CTNNA2: variants seen among roughly 807,000 people sequenced by gnomAD.
The protein encoded by CTNNA2 is catenin alpha-2.
In CTNNA2, 42 loss-of-function variants were observed where a neutral mutation model predicts 101.0. The observed-to-expected ratio is 0.42, with a 90% CI of 0.32 to 0.54. The LOEUF (loss-of-function observed/expected upper bound fraction) is 0.54. Ranked by LOEUF, CTNNA2 falls within the 20% of genes least tolerant of loss-of-function variation. The pLI is 0.14. For synonymous variants in CTNNA2, 450 were observed against 456.4 expected (o/e 0.99, Z 0.18); for missense variants, 871 against 1,223.1 (o/e 0.71, Z 4.29).
intron 7 of CTNNA2, among the ~76,000 whole-genome samples, chr2:80,013,873 C>G (rs115424995): frequency 0.01 from 1,578 of 152,308 alleles, 9 homozygotes; most frequent in Non-Finnish European, 0.014. Flanking sequence ...CTGGCTCCTC[C>G]TCCAGTAGCA....
intron 4 of CTNNA2, 67 bp from the exon 5 acceptor site, chr2:79,869,749 T>A: frequency 6.4e-7 from 1 of 1,557,826 alleles, no homozygotes; most frequent in African/African-American, 1.4e-5. Flanking sequence ...GCAAATTCCA[T>A]TTCTAACATG....
At position 79,521,163 on chromosome 2, in the gene CTNNA2, T is replaced by A. The variant is rs868797288; in HGVS notation, c.-6+7956T>A. 6.9e-3 allele frequency among the ~76,000 whole-genome samples: 668 copies of A among 96,234 alleles called. 4 individuals are homozygous for A. Among genetic ancestry groups the A allele is most frequent in the African/African-American group, 0.03 (648 of 21,372 alleles). 63.1% of individuals were successfully genotyped at this position (96,234 alleles called of 152,430 possible). On this transcript the variant is annotated intron_variant, in intron 1 of 18. Coordinates refer to ENST00000402739, the MANE Select transcript of CTNNA2 (RefSeq NM_001282597.3). ...ATATATATATATATATATATATATA[T>A]ATATAAATTTTAAGGTGCGCTATTT... is the stretch of plus-strand genomic sequence containing the variant.
chr2:80,124,497 T>C (rs912481789), intron 7 of CTNNA2, among the ~76,000 whole-genome samples: 1 of 152,162 alleles, frequency 6.6e-6, no homozygotes, highest in African/African-American at 2.4e-5. Context: ...CAAATATAAC[T>C]TCATATTCTT....
At chr2:80,149,027 T>TA (rs1282136415) in intron 7 of CTNNA2, among the ~76,000 whole-genome samples, 2 of 147,620 alleles carry the variant, frequency 1.4e-5, no homozygotes, top group African/African-American at 5.0e-5. Context: ...TTTGTTATTT[T>TA]TTTTTTTTTT....
chr2:79,266,794 T>TCGGTG (rs1025335158), intron 2 of CTNNA2, among the ~76,000 whole-genome samples: 3 of 152,048 alleles, frequency 2.0e-5, no homozygotes, highest in Non-Finnish European at 2.9e-5. Context: ...TGGGTGATGC[T>TCGGTG]CGGTGCCCTC....
chr2:79,879,130 A>G (rs1683238453), intron 6 of CTNNA2, among the ~76,000 whole-genome samples: 1 of 152,130 alleles, frequency 6.6e-6, no homozygotes, highest in Non-Finnish European at 1.5e-5. Flanking sequence ...AGATGGTTGT[A>G]GATGTGTGGT....
chr2:79,655,690 A>G (rs1264926716), intron 2 of CTNNA2, among the ~76,000 whole-genome samples: 1 of 152,010 alleles, frequency 6.6e-6, no homozygotes, highest in African/African-American at 2.4e-5. Context: ...TTAGACAGGC[A>G]TGGTGGTACA....
At chr2:79,585,018 A>G (rs76033298) in intron 1 of CTNNA2, among the ~76,000 whole-genome samples, 2,754 of 152,176 alleles carry the variant, frequency 0.018, 41 homozygotes, top group Non-Finnish European at 0.027. Context: ...TATCTTTTTG[A>G]GTCTTTGGAT....
chr2:79,630,156 C>T (rs1679592568), intron 1 of CTNNA2, among the ~76,000 whole-genome samples: 1 of 152,054 alleles, frequency 6.6e-6, no homozygotes, highest in African/African-American at 2.4e-5. Flanking sequence ...ACAATATAGA[C>T]CCTGGGACCT....
intron 2 of CTNNA2, among the ~76,000 whole-genome samples, chr2:79,289,119 T>G (rs72917222): frequency 0.068 from 10,421 of 152,234 alleles, 1,233 homozygotes; most frequent in African/African-American, 0.24. Flanking sequence ...GAATCTATTT[T>G]CTTCCAAATT....
At chr2:79,413,701 A>T (rs926169823) in intron 4 of CTNNA2, among the ~76,000 whole-genome samples, 5 of 151,920 alleles carry the variant, frequency 3.3e-5, no homozygotes, top group African/African-American at 9.7e-5. Context: ...GGGTTCCCTT[A>T]TCTCTACATC....
chr2:80,571,612 A>T (rs979350511), intron 12 of CTNNA2, among the ~76,000 whole-genome samples: 1 of 152,072 alleles, frequency 6.6e-6, no homozygotes, highest in Non-Finnish European at 1.5e-5. Flanking sequence ...GTATTTAAAA[A>T]TTTTTCACAA....
At chr2:79,719,014 A>G (rs1236884023) in intron 2 of CTNNA2, among the ~76,000 whole-genome samples, 1 of 152,076 alleles carries the variant, frequency 6.6e-6, no homozygotes, top group Non-Finnish European at 1.5e-5. Flanking sequence ...TGCAATAAGT[A>G]GTTTTTCAAC....
At chr2:80,336,863 T>G (rs938128536) in intron 7 of CTNNA2, among the ~76,000 whole-genome samples, 1 of 152,146 alleles carries the variant, frequency 6.6e-6, no homozygotes, top group African/African-American at 2.4e-5. Context: ...AGTCTCAAAG[T>G]CAAGGAAATG....
chr2:79,409,371 G>A (rs1490451371), intron 4 of CTNNA2, among the ~76,000 whole-genome samples: 4 of 152,198 alleles, frequency 2.6e-5, no homozygotes, highest in Non-Finnish European at 4.4e-5. Context: ...TGAAGTCCTT[G>A]CCCATGCCTA....
At chr2:79,455,634 T>C (rs182404869) in intron 4 of CTNNA2, among the ~76,000 whole-genome samples, 16 of 152,320 alleles carry the variant, frequency 1.1e-4, no homozygotes, top group Admixed American at 9.1e-4. Flanking sequence ...AAAACCTGGT[T>C]TGCATAGAAC....
intron 18 of CTNNA2, among the ~76,000 whole-genome samples, chr2:80,637,333 G>A (rs537284407): frequency 7.9e-5 from 12 of 152,152 alleles, no homozygotes; most frequent in African/African-American, 2.6e-4. Context: ...CTTTTATGAG[G>A]TAGAGGTAAG....
At chr2:79,590,723 A>T (rs1676792285) in intron 1 of CTNNA2, among the ~76,000 whole-genome samples, 1 of 152,132 alleles carries the variant, frequency 6.6e-6, no homozygotes, top group Non-Finnish European at 1.5e-5. Context: ...TTCATGTTGC[A>T]GGTAACTAGA....
intron 3 of CTNNA2, among the ~76,000 whole-genome samples, chr2:79,834,230 C>T (rs1454549302): frequency 6.6e-6 from 1 of 150,960 alleles, no homozygotes; most frequent in African/African-American, 2.4e-5. Flanking sequence ...AGATCTTTGC[C>T]TTTTTTTTTC....
Sources: gnomAD v4.1 joint callset for allele counts (sites outside exome capture counted in the v4.1 genomes callset) on GRCh38, gnomAD v4.1.1 for gene constraint, MANE v1.5 for transcripts, NCBI Gene and HGNC (gene_info 2026-07-23, HGNC 2026-07-21) for gene names.